The following PER2 variants were observed in gnomAD, a reference collection of about 807,000 sequenced individuals.
PER2 encodes period circadian protein homolog 2.
PER2 carries 66 observed loss-of-function variants against 121.0 expected under a neutral mutation model. The ratio of observed to expected loss-of-function variants is 0.55; its 90% CI spans 0.45 to 0.67. The LOEUF is 0.67. Ranked by LOEUF, PER2 falls within the 30% of genes least tolerant of loss-of-function variation. PER2 has a pLI of 0.00. For synonymous variants in PER2, 684 were observed against 659.9 expected (o/e 1.04, Z -0.56); for missense variants, 1,521 against 1,635.0 (o/e 0.93, Z 1.20).
At chr2:238,280,176 G>A (rs544288204) in intron 1 of PER2, among the ~76,000 whole-genome samples, 1 of 152,138 alleles carries the variant, frequency 6.6e-6, no homozygotes, top group Admixed American at 6.5e-5. Flanking sequence ...ACAGGGTGCC[G>A]GATTCCAACA....
chr2:238,262,512 C>T (rs1695966701), intron 10 of PER2, among the ~76,000 whole-genome samples, 168 bp from the exon 11 acceptor site: 1 of 152,144 alleles, frequency 6.6e-6, no homozygotes, highest in Non-Finnish European at 1.5e-5. Context: ...CTGTAGATTA[C>T]CAGGAGGCTG....
intron 1 of PER2, among the ~76,000 whole-genome samples, chr2:238,287,193 C>T (rs531695623): frequency 6.6e-6 from 1 of 152,286 alleles, no homozygotes; most frequent in South Asian, 2.1e-4. Context: ...ATGAATCATA[C>T]CAAGGCGACA....
intron 3 of PER2, 79 bp downstream of exon 3, chr2:238,277,052 C>T: frequency 9.1e-7 from 1 of 1,103,580 alleles, no homozygotes; most frequent in South Asian, 1.2e-5. Flanking sequence ...AGCCACGTCA[C>T]TCCCAGAAAA....
intron 4 of PER2, among the ~76,000 whole-genome samples, chr2:238,274,452 C>T (rs1421816838): frequency 6.6e-6 from 1 of 152,232 alleles, no homozygotes; most frequent in African/African-American, 2.4e-5. Context: ...TTGCCACCTT[C>T]AGTAATTTCA....
At chr2:238,295,351 C>T in the PER2 span, 2 of 151,590 alleles carry the variant, frequency 1.3e-5, no homozygotes, top group Non-Finnish European at 2.9e-5. Flanking sequence ...TTCTCCTTCC[C>T]CTCCTTCTTC....
At position 238,249,085 on chromosome 2, in the gene PER2, G is replaced by A. The variant is rs1695527434; in HGVS notation, c.3595C>T (p.Leu1199=). 6.2e-7 allele frequency: 1 copy of A among 1,614,180 alleles called. No individual in the cohort carries two copies. The highest frequency in any genetic ancestry group is 1.1e-5 in the South Asian group (1 of 91,090). The change falls in exon 22 of 23, where the codon CTG becomes TTG. Residue 1199 remains leucine (L), a synonymous_variant. Coordinates refer to ENST00000254657, the MANE Select transcript of PER2 (RefSeq NM_022817.3). Reference sequence around the variant, plus strand: ...ACTGCCACGTCGATGGCTGCGGGCAGGCCGCCCGTCTGCATCCACTGGTGG... The same window carrying A: ...ACTGCCACGTCGATGGCTGCGGGCAAGCCGCCCGTCTGCATCCACTGGTGG... ...EVHQWMQTGG[L]PAAIDVAECV...
chr2:238,299,736 C>T, the PER2 span: 2 of 152,216 alleles, frequency 1.3e-5, no homozygotes, highest in African/African-American at 4.8e-5. Context: ...TCAGAAGCCT[C>T]CAAGCCAACA....
chr2:238,270,676 G>A (rs1696257019), intron 6 of PER2, among the ~76,000 whole-genome samples: 1 of 152,230 alleles, frequency 6.6e-6, no homozygotes, highest in African/African-American at 2.4e-5. Context: ...GCTGGCTCCA[G>A]GGACTAGACC....
In PER2 at chr2:238,253,232, A is replaced by C; in HGVS notation, c.2791T>G (p.Phe931Val). The part of the protein sequence containing the change: ...PQAFFPSQPQ[F>V]PSHPTLTSEM... Reference sequence around the variant, plus strand: ...GATGTGAGTGTGGGGTGGCTCGGAAACTGAGGCTGGCTGGGGAAGAAGGCC... The same window carrying C: ...GATGTGAGTGTGGGGTGGCTCGGAACCTGAGGCTGGCTGGGGAAGAAGGCC... Residue 931 changes from phenylalanine (F) to valine (V), a missense_variant, in exon 19 of 23, where the codon TTT (phenylalanine) becomes GTT (valine). Phe to Val is a conservative substitution (Grantham distance 50). Transcript: ENST00000254657. The surrounding 1 kb of genome is among the most constrained non-coding windows in gnomAD (Gnocchi z 5.6). 6.2e-7 allele frequency: 1 copy of C among 1,601,274 alleles called. No individual in the cohort carries two copies. Among genetic ancestry groups the C allele is most frequent in the Non-Finnish European group, 8.5e-7 (1 of 1,171,850 alleles).
chr2:238,277,634 T>C, intron 2 of PER2, 73 bp downstream of exon 2: 2 of 1,539,988 alleles, frequency 1.3e-6, no homozygotes, highest in South Asian at 2.3e-5. Flanking sequence ...GCAAAAGCAA[T>C]CAAATCACAG....
Position 238,258,278 on chromosome 2 carries a change from C to T in PER2, c.1898G>A (p.Gly633Glu). ...KATVSPGPHA[G>E]EAEPPSRVNS... ...ATGGCTCTACACAGATTAGATACCTCCAGCGTGTGGCCCTGGGCTGACTGT... is the reference window on the plus strand; with the variant it reads ...ATGGCTCTACACAGATTAGATACCTTCAGCGTGTGGCCCTGGGCTGACTGT... The change falls in exon 16 of 23, where the codon GGA (glycine) becomes GAA (glutamate). Residue 633 changes from glycine (G) to glutamate (E), a missense_variant and splice_region_variant. Physicochemically the swap from Gly to Glu is moderately conservative, Grantham distance 98. Transcript: ENST00000254657. The T allele has an allele frequency of 1.3e-5, 21 of 1,614,222 alleles. No homozygotes were observed. The highest frequency in any genetic ancestry group is 1.8e-5 in the Non-Finnish European group (21 of 1,180,032).
chr2:238,260,267 T>C (rs1695887613), intron 13 of PER2, among the ~76,000 whole-genome samples: 2 of 152,112 alleles, frequency 1.3e-5, no homozygotes, highest in African/African-American at 4.8e-5. Context: ...ACATTTTTTT[T>C]TTTTTTTAAG....
In PER2 at chr2:238,268,115, C is replaced by T. The variant is rs757804885; in HGVS notation, c.908G>A (p.Gly303Asp). ...AAGGCAGCAAAGCTGACTCTCAGCA[C>T]CTTGTTGGTCCCGCACCTTGACCAG... ...PYLVKVRDQQ[G>D]AESQLCCLLL... Residue 303 changes from glycine to aspartate, a missense_variant, in exon 8 of 23, where the codon GGT (glycine) becomes GAT (aspartate). Coordinates refer to ENST00000254657, the MANE Select transcript of PER2 (RefSeq NM_022817.3). This position sits in a 1 kb window ranked among gnomAD's most constrained non-coding sequence, Gnocchi z 4.0. The T allele has an allele frequency of 6.2e-7, 1 of 1,614,146 alleles. No individual in the cohort carries two copies. The highest frequency in any genetic ancestry group is 1.1e-5 in the South Asian group (1 of 91,088).
chr2:238,256,627 C>T (rs562239761), intron 17 of PER2, among the ~76,000 whole-genome samples: 8 of 152,246 alleles, frequency 5.3e-5, no homozygotes, highest in South Asian at 4.1e-4. Flanking sequence ...CAGTGCTCTC[C>T]GCACCAATTA....
chr2:238,248,475 G>A (rs1279608009), intron 22 of PER2, among the ~76,000 whole-genome samples: 1 of 152,100 alleles, frequency 6.6e-6, no homozygotes, highest in Non-Finnish European at 1.5e-5. Context: ...TGTGACAGGA[G>A]AGGGTTTTTT....
chr2:238,246,407 G>C lies in PER2; in HGVS notation c.3736C>G (p.Pro1246Ala). The change falls in exon 23 of 23, where the codon CCC becomes GCC. Residue 1246 changes from proline to alanine, a missense_variant. Transcript: ENST00000254657. Reference sequence around the variant, plus strand: ...TGCTCTTCGATCCTGTGATTCAAGGGGGATCCATTTTCGTCTTCTTTGGTG... The same window carrying C: ...TGCTCTTCGATCCTGTGATTCAAGGCGGATCCATTTTCGTCTTCTTTGGTG... ...SDTKEDENGS[P>A]LNHRIEEQT 2 of 1,612,694 alleles carry C rather than the reference G, an allele frequency of 1.2e-6. No individual in the cohort carries two copies. Among genetic ancestry groups the C allele is most frequent in the Non-Finnish European group, 1.7e-6 (2 of 1,179,252 alleles).
chr2:238,293,726 C>A (rs1696999262), upstream of PER2, among the ~76,000 whole-genome samples: 1 of 142,324 alleles, frequency 7.0e-6, no homozygotes, highest in African/African-American at 2.8e-5. Flanking sequence ...CACAGCAAGA[C>A]TCTGTCTCAA....
intron 1 of PER2, among the ~76,000 whole-genome samples, chr2:238,288,064 C>T (rs1489447995): frequency 6.6e-6 from 1 of 152,166 alleles, no homozygotes; most frequent in Non-Finnish European, 1.5e-5. Flanking sequence ...ACTTCCTTGT[C>T]CCTCTGATCA....
upstream of PER2, among the ~76,000 whole-genome samples, chr2:238,291,308 C>G (rs753002683): frequency 6.6e-6 from 1 of 152,258 alleles, no homozygotes; most frequent in Non-Finnish European, 1.5e-5. Context: ...TTGGCCCACC[C>G]ATCTATGTCT....
Sources: allele counts gnomAD v4.1 joint callset (sites outside exome capture counted in the v4.1 genomes callset), GRCh38; gene constraint gnomAD v4.1.1; non-coding constraint Gnocchi (gnomAD v3.1); transcripts MANE v1.5; gene names NCBI Gene and HGNC (gene_info 2026-07-23, HGNC 2026-07-21).